TSPYL4: variants seen among roughly 807,000 people sequenced by gnomAD.
The protein encoded by TSPYL4 is testis-specific Y-encoded-like protein 4.
A neutral mutation model predicts 24.2 loss-of-function variants in TSPYL4; 22 were observed. The observed-to-expected ratio is 0.91, with a 90% CI of 0.65 to 1.30. TSPYL4 has a LOEUF of 1.30. TSPYL4 is among the 50% of genes most tolerant of loss of function. The pLI, the probability that TSPYL4 is intolerant of heterozygous loss-of-function variation, is 0.00. For synonymous variants in TSPYL4, 211 were observed against 208.2 expected, an observed-to-expected ratio of 1.01 and a Z score of -0.12; for missense variants, 569 against 536.7, an observed-to-expected ratio of 1.06 and a Z score of -0.60.
At position 116,253,865 on chromosome 6, in the gene TSPYL4, G is replaced by A. The variant is rs1282349376; in HGVS notation, c.144C>T (p.Asn48=). 8.1e-6 allele frequency: 13 copies of A among 1,613,724 alleles called. No homozygotes were observed. Among genetic ancestry groups the A allele is most frequent in the Non-Finnish European group, 1.1e-5 (13 of 1,179,808 alleles). ...EETEATQVMA[N]TGGGSLETVA... ...CGGTCTCCAGGCTGCCCCCACCTGT[G>A]TTCGCCATCACCTGTGTCGCCTCGG... is the stretch of plus-strand genomic sequence containing the variant. The change falls in exon 1 of 1, where the codon AAC becomes AAT. Residue 48 remains asparagine (N), a synonymous_variant. Transcript: ENST00000420283. This position sits in a 1 kb window ranked among gnomAD's most constrained non-coding sequence, Gnocchi z 4.3.
In TSPYL4 at chr6:116,253,328, C is replaced by A; in HGVS notation, c.681G>T (p.Gln227His). 1 of 1,573,346 alleles carries A rather than the reference C, an allele frequency of 6.4e-7. No individual in the cohort carries two copies. The highest frequency in any genetic ancestry group is 1.2e-5 in the South Asian group (1 of 86,228). Reference protein sequence around the residue: ...VNAQADRAFLQLERKFGRMRR... With the variant: ...VNAQADRAFLHLERKFGRMRR... Reference sequence around the variant, plus strand: ...GCATGCGGCCAAACTTGCGCTCAAGCTGAAGGAAGGCCCTGTCAGCCTGGG... The same window carrying A: ...GCATGCGGCCAAACTTGCGCTCAAGATGAAGGAAGGCCCTGTCAGCCTGGG... The change falls in exon 1 of 1, where the codon CAG becomes CAT. Residue 227 changes from glutamine (Q) to histidine (H), a missense_variant. Physicochemically the swap from Gln to His is conservative, Grantham distance 24. Transcript: ENST00000420283. This position sits in a 1 kb window ranked among gnomAD's most constrained non-coding sequence, Gnocchi z 4.3.
At position 116,250,979 on chromosome 6, in the gene TSPYL4, A is replaced by T. The variant is rs1771942337; in HGVS notation, c.*1785T>A. On this transcript the variant is annotated 3_prime_UTR_variant, in exon 1 of 1. Coordinates refer to ENST00000420283, the MANE Select transcript of TSPYL4 (RefSeq NM_021648.5). ...GCACATCCCCTTATCCCCTACAAGG[A>T]GGCTGGAGATCTTCCACAATGCAGG... 2 of 386,738 alleles carry T rather than the reference A, an allele frequency of 5.2e-6. No homozygotes were observed. Among genetic ancestry groups the T allele is most frequent in the African/African-American group, 2.1e-5 (1 of 48,416 alleles). The allele number at this position is 386,738 out of a possible 1,614,324, so 24.0% of individuals were successfully genotyped here. A position where few individuals can be genotyped will look rare whatever the true frequency, so the allele number is the denominator to read the frequency against.
chr6:116,252,659 C>A lies in TSPYL4; in HGVS notation c.*105G>T. 7.6e-7 allele frequency: 1 copy of A among 1,317,912 alleles called. No homozygotes were observed. The highest frequency in any genetic ancestry group is 1.0e-6 in the Non-Finnish European group (1 of 982,426). The allele number at this position is 1,317,912 out of a possible 1,614,324, so 81.6% of individuals were successfully genotyped here. ...TAGAACCAAAGGAAAAGATAATCCA[C>A]AGTATGAAGAGAAAGCAGATGGAAG... On this transcript the variant is annotated 3_prime_UTR_variant, in exon 1 of 1. Transcript: ENST00000420283.
In TSPYL4 at chr6:116,253,128, C is replaced by T; in HGVS notation, c.881G>A (p.Cys294Tyr). 1 of 1,614,064 alleles carries T rather than the reference C, an allele frequency of 6.2e-7. No individual in the cohort carries two copies. The highest frequency in any genetic ancestry group is 8.5e-7 in the Non-Finnish European group (1 of 1,179,964). ...GCCCTGAAAGATGAACTTGAATTTG[C>T]AGCCTGCTCTGGGGTGTTTAAGCTC... Reference protein sequence around the residue: ...VEELKHPRAGCKFKFIFQGNP... With the variant: ...VEELKHPRAGYKFKFIFQGNP... Residue 294 changes from cysteine to tyrosine, a missense_variant, in exon 1 of 1, where the codon TGC becomes TAC. By Grantham distance (194) the Cys-to-Tyr change is radical. Transcript: ENST00000420283. This position sits in a 1 kb window ranked among gnomAD's most constrained non-coding sequence, Gnocchi z 4.3.
At position 116,253,826 on chromosome 6, in the gene TSPYL4, AC is replaced by A; in HGVS notation, c.182del (p.Gly61ValfsTer71). 1.9e-6 allele frequency: 3 copies of A among 1,610,142 alleles called. No individual in the cohort carries two copies. The highest frequency in any genetic ancestry group is 2.5e-6 in the Non-Finnish European group (3 of 1,178,458). On this transcript the variant is annotated frameshift_variant, in exon 1 of 1. Transcript: ENST00000420283. LOFTEE classifies it high-confidence loss of function. The surrounding 1 kb of genome is among the most constrained non-coding windows in gnomAD (Gnocchi z 4.3). ...GGSLETVAEG[G>X]ASQDPVDCGP... ...CACAGTCGACAGGATCCTGGGATGCACCCCCCTCCGCAACGGTCTCCAGGCT... is the reference window on the plus strand; with the variant it reads ...CACAGTCGACAGGATCCTGGGATGCACCCCCTCCGCAACGGTCTCCAGGCT...
chr6:116,251,262 T>A lies in TSPYL4; in HGVS notation c.*1502A>T, dbSNP rs1005058290. Reference sequence around the variant, plus strand: ...GCTCACATCACAAAGGCCTTTGCCTTTGACCCGTCCTGAACCCATCACTGT... The same window carrying A: ...GCTCACATCACAAAGGCCTTTGCCTATGACCCGTCCTGAACCCATCACTGT... On this transcript the variant is annotated 3_prime_UTR_variant, in exon 1 of 1. Transcript: ENST00000420283. 7.5e-6 allele frequency: 3 copies of A among 398,552 alleles called. No individual in the cohort carries two copies. The highest frequency in any genetic ancestry group is 4.4e-5 in the Admixed American group (1 of 22,722). 24.7% of individuals were successfully genotyped at this position (398,552 alleles called of 1,614,324 possible). A position where few individuals can be genotyped will look rare whatever the true frequency, so the allele number is the denominator to read the frequency against.
chr6:116,253,779 A>G lies in TSPYL4; in HGVS notation c.230T>C (p.Val77Ala). The G allele has an allele frequency of 6.2e-7, 1 of 1,602,804 alleles. No homozygotes were observed. The highest frequency in any genetic ancestry group is 8.5e-7 in the Non-Finnish European group (1 of 1,173,950). ...VDCGPALRVP[V>A]AGSRGGAATK... is the part of the protein sequence containing the mutation. ...CGCTGCACCGCCGCGACTCCCGGCA[A>G]CTGGGACGCGGAGCGCGGGGCCACA... Residue 77 changes from valine (V) to alanine (A), a missense_variant, in exon 1 of 1, where the codon GTT (valine) becomes GCT (alanine). Coordinates refer to ENST00000420283, the MANE Select transcript of TSPYL4 (RefSeq NM_021648.5). This position sits in a 1 kb window ranked among gnomAD's most constrained non-coding sequence, Gnocchi z 4.3.
In TSPYL4 at chr6:116,252,618, C is replaced by A. The variant is rs1771970746; in HGVS notation, c.*146G>T. 1 of 1,044,034 alleles carries A rather than the reference C, an allele frequency of 9.6e-7. No individual in the cohort carries two copies. Among genetic ancestry groups the A allele is most frequent in the Non-Finnish European group, 1.3e-6 (1 of 743,458 alleles). 64.7% of individuals were successfully genotyped at this position (1,044,034 alleles called of 1,614,324 possible). On this transcript the variant is annotated 3_prime_UTR_variant, in exon 1 of 1. Coordinates refer to ENST00000420283, the MANE Select transcript of TSPYL4 (RefSeq NM_021648.5). ...GGCAGGTAAGCCAACAATCTTGCAACCGATTACTGAAGATTTAGAACCAAA... is the reference window on the plus strand; with the variant it reads ...GGCAGGTAAGCCAACAATCTTGCAAACGATTACTGAAGATTTAGAACCAAA...
rs563950284 is a variant in TSPYL4, at chr6:116,252,987, T to C, written c.1022A>G (p.His341Arg). The C allele has an allele frequency of 2.5e-6, 4 of 1,614,168 alleles. No homozygotes were observed. Among genetic ancestry groups the C allele is most frequent in the East Asian group, 4.5e-5 (2 of 44,878 alleles). Residue 341 changes from histidine to arginine, a missense_variant, in exon 1 of 1, where the codon CAT (histidine) becomes CGT (arginine). Transcript: ENST00000420283. ...GTTCCCTTCCCGGTTTCTGTGGATATGAGCCTGGGGGTCTTGGCCTCGGTG... is the reference window on the plus strand; with the variant it reads ...GTTCCCTTCCCGGTTTCTGTGGATACGAGCCTGGGGGTCTTGGCCTCGGTG... ...RWHRGQDPQA[H>R]IHRNREGNTI...
rs756121275 is a variant in TSPYL4, at chr6:116,253,905, C to T, written c.104G>A (p.Gly35Glu). The T allele has an allele frequency of 1.2e-6, 2 of 1,613,870 alleles. No individual in the cohort carries two copies. The highest frequency in any genetic ancestry group is 1.7e-6 in the Non-Finnish European group (2 of 1,179,842). The change falls in exon 1 of 1, where the codon GGG becomes GAG. Residue 35 changes from glycine (G) to glutamate (E), a missense_variant. Transcript: ENST00000420283. This position sits in a 1 kb window ranked among gnomAD's most constrained non-coding sequence, Gnocchi z 4.3. ...SGDPDRDQCQ[G>E]LREETEATQV... ...TGTCGCCTCGGTTTCTTCACGGAGCCCTTGGCACTGGTCTCGGTCCGGATC... is the reference window on the plus strand; with the variant it reads ...TGTCGCCTCGGTTTCTTCACGGAGCTCTTGGCACTGGTCTCGGTCCGGATC...
Position 116,252,855 on chromosome 6 carries a change from T to C in TSPYL4, c.1154A>G (p.Tyr385Cys). 6.2e-7 allele frequency: 1 copy of C among 1,601,672 alleles called. No individual in the cohort carries two copies. Among genetic ancestry groups the C allele is most frequent in the African/African-American group, 1.3e-5 (1 of 74,794 alleles). Residue 385 changes from tyrosine (Y) to cysteine (C), a missense_variant, in exon 1 of 1, where the codon TAC becomes TGC. Transcript: ENST00000420283. Reference protein sequence around the residue: ...GELWPNPLQYYLMGEGPRRGI... With the variant: ...GELWPNPLQYCLMGEGPRRGI... ...TCTACGGGGCCCTTCACCCATCAGG[T>C]AGTATTGTAGGGGATTGGGCCACAG...
At position 116,251,001 on chromosome 6, in the gene TSPYL4, C is replaced by T. The variant is rs181786110; in HGVS notation, c.*1763G>A. 4.9e-4 allele frequency: 190 copies of T among 391,212 alleles called. No individual in the cohort carries two copies. In the Middle Eastern group the frequency reaches 7.0e-3, roughly 14 times the overall value. 24.2% of individuals were successfully genotyped at this position (391,212 alleles called of 1,614,324 possible). On this transcript the variant is annotated 3_prime_UTR_variant, in exon 1 of 1. Transcript: ENST00000420283. Reference sequence around the variant, plus strand: ...AGGAGGCTGGAGATCTTCCACAATGCAGGCTGCAGCCTGCTTCTTCATTTG... The same window carrying T: ...AGGAGGCTGGAGATCTTCCACAATGTAGGCTGCAGCCTGCTTCTTCATTTG...
Position 116,252,963 on chromosome 6 carries a change from T to TTA in TSPYL4, c.1045_1046insTA (p.Asn349IlefsTer17). 6.2e-7 allele frequency: 1 copy of TTA among 1,614,078 alleles called. No homozygotes were observed. Among genetic ancestry groups the TTA allele is most frequent in the South Asian group, 1.1e-5 (1 of 91,076 alleles). On this transcript the variant is annotated frameshift_variant, in exon 1 of 1. Transcript: ENST00000420283. LOFTEE classifies it high-confidence loss of function. The stretch of plus-strand genomic sequence containing the variant: ...CCAGTTGAAGAAACTAGGGATAGTG[T>TTA]TCCCTTCCCGGTTTCTGTGGATATG...
In TSPYL4 at chr6:116,251,036, G is replaced by A. The variant is rs965664410; in HGVS notation, c.*1728C>T. 1 of 395,720 alleles carries A rather than the reference G, an allele frequency of 2.5e-6. No homozygotes were observed. The allele number at this position is 395,720 out of a possible 1,614,324, so 24.5% of individuals were successfully genotyped here. On this transcript the variant is annotated 3_prime_UTR_variant, in exon 1 of 1. Transcript: ENST00000420283. Reference sequence around the variant, plus strand: ...CCTGCTTCTTCATTTGTTAGGAGCAGGGAAGGAAATGCAGAAGCTGAGAAA... The same window carrying A: ...CCTGCTTCTTCATTTGTTAGGAGCAAGGAAGGAAATGCAGAAGCTGAGAAA...
chr6:116,252,911 G>T lies in TSPYL4; in HGVS notation c.1098C>A (p.Phe366Leu). The T allele has an allele frequency of 6.2e-7, 1 of 1,611,726 alleles. No homozygotes were observed. The highest frequency in any genetic ancestry group is 8.5e-7 in the Non-Finnish European group (1 of 1,178,720). The change falls in exon 1 of 1, where the codon TTC becomes TTA. Residue 366 changes from phenylalanine to leucine, a missense_variant. Physicochemically the swap from Phe to Leu is conservative, Grantham distance 22. Coordinates refer to ENST00000420283, the MANE Select transcript of TSPYL4 (RefSeq NM_021648.5). ...CTTTGATAATCTCTGCAATTCTGTC[G>T]AATTCTAGAAGGCTGTGGTCTGAAA... ...NWFSDHSLLE[F>L]DRIAEIIKGE...
chr6:116,253,223 G>C lies in TSPYL4; in HGVS notation c.786C>G (p.Pro262=). Residue 262 remains proline (P), a synonymous_variant, in exon 1 of 1, where the codon CCC becomes CCG. Coordinates refer to ENST00000420283, the MANE Select transcript of TSPYL4 (RefSeq NM_021648.5). This position sits in a 1 kb window ranked among gnomAD's most constrained non-coding sequence, Gnocchi z 4.3. The stretch of plus-strand genomic sequence containing the variant: ...GGCCACTGATCATAGGTGACAGCTG[G>C]GGGTGGTTTCGAAAGGCAGTAACCC... ...GFWVTAFRNH[P]QLSPMISGQD... 2 of 1,614,038 alleles carry C rather than the reference G, an allele frequency of 1.2e-6. No individual in the cohort carries two copies. Among genetic ancestry groups the C allele is most frequent in the East Asian group, 2.2e-5 (1 of 44,858 alleles).
At position 116,250,224 on chromosome 6, in the gene TSPYL4, C is replaced by G. The variant is rs886642703; in HGVS notation, c.*2540G>C. On this transcript the variant is annotated 3_prime_UTR_variant, in exon 1 of 1. Transcript: ENST00000420283. ...ACATAGCTATAATTTGTAAAATATT[C>G]AGACTATTGAAAGATCACATTCAAA... is the stretch of plus-strand genomic sequence containing the variant. 3.3e-5 allele frequency: 5 copies of G among 151,850 alleles called. No homozygotes were observed. The highest frequency in any genetic ancestry group is 1.3e-4 in the Admixed American group (2 of 15,170). The allele number at this position is 151,850 out of a possible 1,614,324, so 9.4% of individuals were successfully genotyped here.
chr6:116,253,384 C>T lies in TSPYL4; in HGVS notation c.625G>A (p.Ala209Thr). ...ACGTTTGACAACTCTTGATCGATGG[C>T]CTCCAGTGAGTCCATGCAGTTATTG... ...KINNCMDSLE[A>T]IDQELSNVNA... The change falls in exon 1 of 1, where the codon GCC becomes ACC. Residue 209 changes from alanine (A) to threonine (T), a missense_variant. Transcript: ENST00000420283. This position sits in a 1 kb window ranked among gnomAD's most constrained non-coding sequence, Gnocchi z 4.3. 1 of 1,552,366 alleles carries T rather than the reference C, an allele frequency of 6.4e-7. No individual in the cohort carries two copies. The highest frequency in any genetic ancestry group is 8.7e-7 in the Non-Finnish European group (1 of 1,147,294).
rs904614302 is a variant in TSPYL4 at position 116,250,565 on chromosome 6, A to C, written c.*2199T>G. On this transcript the variant is annotated 3_prime_UTR_variant, in exon 1 of 1. Transcript: ENST00000420283. ...TTTTGTTTACAAAAATCTACTGGTG[A>C]ATTCAAGGACTTAGGAAAAATTGAA... 2.0e-5 allele frequency: 3 copies of C among 152,390 alleles called. No homozygotes were observed. Among genetic ancestry groups the C allele is most frequent in the Non-Finnish European group, 4.4e-5 (3 of 68,056 alleles). The allele number at this position is 152,390 out of a possible 1,614,324, so 9.4% of individuals were successfully genotyped here.
Sources: allele counts gnomAD v4.1 joint callset, GRCh38; gene constraint gnomAD v4.1.1; non-coding constraint Gnocchi (gnomAD v3.1); transcripts MANE v1.5; gene names NCBI Gene and HGNC (gene_info 2026-07-23, HGNC 2026-07-21).